The following RNF216 variants were observed in gnomAD, a reference collection of about 807,000 sequenced individuals.
RNF216 encodes the protein E3 ubiquitin-protein ligase RNF216.
Under a neutral mutation model 110.8 loss-of-function variants are expected in RNF216, and 72 were observed. The observed-to-expected ratio is 0.65, with a 90% CI of 0.54 to 0.79. The LOEUF is 0.79. Among genes scored for constraint, RNF216 ranks in the 30% least tolerant of loss-of-function variants. The pLI is 0.00. For missense variants in RNF216, 1,342 were observed against 1,141.2 expected (o/e 1.18, Z -2.54); for synonymous variants, 495 against 407.5 (o/e 1.21, Z -2.59).
intron 2 of RNF216, chr7:5,760,533 AAC>A: frequency 3.1e-6 from 1 of 326,668 alleles, no homozygotes; most frequent in South Asian, 2.4e-5. Flanking sequence ...AAAAAAAAAA[AAC>A]AAAACAAAAC....
At chr7:5,681,667 G>C (rs1023404120) in intron 13 of RNF216, among the ~76,000 whole-genome samples, 1 of 152,222 alleles carries the variant, frequency 6.6e-6, no homozygotes, top group Non-Finnish European at 1.5e-5. Flanking sequence ...ACTGGGGATA[G>C]TTTTCTGTCT....
intron 14 of RNF216, among the ~76,000 whole-genome samples, chr7:5,651,721 T>G (rs1470101511): frequency 6.6e-6 from 1 of 152,074 alleles, no homozygotes. Flanking sequence ...CAATCTTGGC[T>G]CACTGCAACC....
At position 5,752,956 on chromosome 7, in the gene RNF216, G is replaced by C. The variant is rs746235007; in HGVS notation, c.91C>G (p.Pro31Ala). The stretch of plus-strand genomic sequence containing the variant: ...TCTGAGGAGTCAGATATGGTGATGG[G>C]CCCATCTCGGAGATTGATCCACTCT... Reference protein sequence around the residue: ...GQEWINLRDGPITISDSSDEE... With the variant: ...GQEWINLRDGAITISDSSDEE... The change falls in exon 3 of 17, where the codon CCC (proline) becomes GCC (alanine). Residue 31 changes from proline (P) to alanine (A), a missense_variant. Physicochemically the swap from Pro to Ala is conservative, Grantham distance 27. Transcript: ENST00000389902. 4 of 1,611,268 alleles carry C rather than the reference G, an allele frequency of 2.5e-6. No individual in the cohort carries two copies. The highest frequency in any genetic ancestry group is 3.4e-6 in the Non-Finnish European group (4 of 1,178,852).
chr7:5,674,593 A>G (rs2128599048), intron 13 of RNF216, among the ~76,000 whole-genome samples: 1 of 152,182 alleles, frequency 6.6e-6, no homozygotes, highest in African/African-American at 2.4e-5. Flanking sequence ...GCACCACTGC[A>G]CTCCAGCCTG....
intron 3 of RNF216, among the ~76,000 whole-genome samples, chr7:5,744,011 C>G (rs1431939017): frequency 1.3e-5 from 2 of 152,156 alleles, no homozygotes; most frequent in Non-Finnish European, 1.5e-5. Context: ...ACTAGGCATA[C>G]AAGAACTTAA....
At chr7:5,720,979 A>C in intron 9 of RNF216, 54 bp downstream of exon 9, 1 of 1,586,320 alleles carries the variant, frequency 6.3e-7, no homozygotes, top group Admixed American at 1.7e-5. Flanking sequence ...CTAAACCCTA[A>C]GAGCAAACCA....
chr7:5,699,977 A>C (rs1177414652), intron 13 of RNF216, among the ~76,000 whole-genome samples: 3 of 152,312 alleles, frequency 2.0e-5, no homozygotes, highest in Non-Finnish European at 2.9e-5. Flanking sequence ...TTCAAGGATA[A>C]ACACAAGAAA....
At chr7:5,776,400 G>C (rs1023519177) in intron 1 of RNF216, among the ~76,000 whole-genome samples, 3 of 150,498 alleles carry the variant, frequency 2.0e-5, no homozygotes, top group African/African-American at 4.9e-5. Context: ...TGGCTAACAC[G>C]GTGAAACCCC....
intron 3 of RNF216, 51 bp downstream of exon 3, chr7:5,752,795 C>G (rs779546170): frequency 1.2e-5 from 19 of 1,589,976 alleles, no homozygotes; most frequent in East Asian, 2.3e-5. Flanking sequence ...GCTGAAAAAT[C>G]AGATCACCAA....
In RNF216 at chr7:5,649,306, C is replaced by T. The variant is rs749566593; in HGVS notation, c.2159+3107G>A. On this transcript the variant is annotated intron_variant, in intron 14 of 16. Coordinates refer to ENST00000389902, the MANE Select transcript of RNF216 (RefSeq NM_207111.4). ...ACTCGGGAGGCTGAGGCAGTAGAGT[C>T]GCTTGAACCTGGGAGGCGGAGGTCG... Among the ~76,000 whole-genome samples, 10 of 151,748 alleles carry T rather than the reference C, an allele frequency of 6.6e-5. No individual in the cohort carries two copies. The East Asian group carries it at 7.8e-4, about 12-fold the overall frequency.
At position 5,623,113 on chromosome 7, in the gene RNF216, G is replaced by T. The variant is rs754953817; in HGVS notation, c.2519C>A (p.Ala840Asp). 1.2e-5 allele frequency: 19 copies of T among 1,605,748 alleles called. No homozygotes were observed. The highest frequency in any genetic ancestry group is 1.7e-4 in the Middle Eastern group (1 of 6,050). Residue 840 changes from alanine to aspartate, a missense_variant, in exon 17 of 17, where the codon GCC becomes GAC. Coordinates refer to ENST00000389902, the MANE Select transcript of RNF216 (RefSeq NM_207111.4). ...KPVEKVQRVE[A>D]LPRPVPQNLP... ...GTTCTGCGGAACGGGCCTCGGGAGG[G>T]CCTCCACCCTCTGCACCTTCTCCAC...
At chr7:5,777,876 A>T (rs1351225173) in intron 1 of RNF216, among the ~76,000 whole-genome samples, 1 of 152,226 alleles carries the variant, frequency 6.6e-6, no homozygotes, top group African/African-American at 2.4e-5. Context: ...TTAACATAAA[A>T]CATCAAGATT....
In RNF216 at chr7:5,696,641, G is replaced by A. The variant is rs1012281569; in HGVS notation, c.2061+15120C>T. Among the ~76,000 whole-genome samples, 2 of 152,058 alleles carry A rather than the reference G, an allele frequency of 1.3e-5. No homozygotes were observed. Among genetic ancestry groups the A allele is most frequent in the Non-Finnish European group, 2.9e-5 (2 of 68,014 alleles). On this transcript the variant is annotated intron_variant, in intron 13 of 16. Transcript: ENST00000389902. The surrounding 1 kb of genome is among the most constrained non-coding windows in gnomAD (Gnocchi z 5.4). ...CTCTTCCTTGGCTGCTGCCATCCTC[G>A]CTTTTGACTACTGCCCCACGTCTCC...
chr7:5,715,015 G>A, intron 11 of RNF216, 38 bp downstream of exon 11: 1 of 1,555,874 alleles, frequency 6.4e-7, no homozygotes, highest in Non-Finnish European at 8.8e-7. Flanking sequence ...CTCCAGGAAT[G>A]TGTCCTATAT....
intron 5 of RNF216, among the ~76,000 whole-genome samples, chr7:5,732,182 G>A: frequency 6.6e-6 from 1 of 152,224 alleles, no homozygotes; most frequent in Admixed American, 6.5e-5. Context: ...GTCATCAGTG[G>A]TAATTCTCCA....
At chr7:5,674,766 T>A (rs567705945) in intron 13 of RNF216, among the ~76,000 whole-genome samples, 1 of 151,986 alleles carries the variant, frequency 6.6e-6, no homozygotes, top group Non-Finnish European at 1.5e-5. Context: ...GAGGCCGAGG[T>A]TGGCAGATCA....
At chr7:5,744,065 A>C (rs1051242599) in intron 3 of RNF216, among the ~76,000 whole-genome samples, 2 of 152,240 alleles carry the variant, frequency 1.3e-5, no homozygotes, top group Admixed American at 6.5e-5. Context: ...CAGACAACAG[A>C]AACAAATATA....
At chr7:5,651,619 G>A (rs149357899) in intron 14 of RNF216, among the ~76,000 whole-genome samples, 27 of 151,670 alleles carry the variant, frequency 1.8e-4, no homozygotes, top group Non-Finnish European at 3.2e-4. Context: ...AAGAGAAAGA[G>A]ATTTCAGTAT....
intron 3 of RNF216, among the ~76,000 whole-genome samples, chr7:5,746,969 A>C (rs1471290726): frequency 6.6e-6 from 1 of 152,210 alleles, no homozygotes; most frequent in African/African-American, 2.4e-5. Flanking sequence ...TTGAAAGATT[A>C]ACTGCAAAAA....
Sources: gnomAD v4.1 joint callset for allele counts (sites outside exome capture counted in the v4.1 genomes callset) on GRCh38, gnomAD v4.1.1 for gene constraint, Gnocchi (gnomAD v3.1) non-coding constraint, MANE v1.5 for transcripts, NCBI Gene and HGNC (gene_info 2026-07-23, HGNC 2026-07-21) for gene names.